TTBK1: variants seen among roughly 807,000 people sequenced by gnomAD.
TTBK1 encodes tau-tubulin kinase 1.
A neutral mutation model predicts 108.5 loss-of-function variants in TTBK1; 34 were observed. That is an observed-to-expected ratio of 0.31 (90% confidence interval 0.24 to 0.42). The LOEUF (loss-of-function observed/expected upper bound fraction) is 0.42, where lower values mean the gene tolerates loss of function less well. Ranked by LOEUF, TTBK1 falls within the 10% of genes least tolerant of loss-of-function variation. The pLI, the probability that TTBK1 is intolerant of heterozygous loss-of-function variation, is 1.00. For missense variants in TTBK1, 1,539 were observed against 1,826.0 expected, an observed-to-expected ratio of 0.84 and a Z score of 2.86; for synonymous variants, 809 against 795.1, an observed-to-expected ratio of 1.02 and a Z score of -0.29.
Position 43,259,375 on chromosome 6 carries a change from C to A in TTBK1, c.1248+106C>A. ...TCCTAAGCACCCTGTCCCCGGCCAT[C>A]TGCCTGCTTGCCCTGCCTCTGTTTC... On this transcript the variant is annotated intron_variant, in intron 11 of 14. Coordinates refer to ENST00000259750, the MANE Select transcript of TTBK1 (RefSeq NM_032538.3). This position sits in a 1 kb window ranked among gnomAD's most constrained non-coding sequence, Gnocchi z 6.7. 1 of 1,269,158 alleles carries A rather than the reference C, an allele frequency of 7.9e-7. No homozygotes were observed. The highest frequency in any genetic ancestry group is 1.1e-6 in the Non-Finnish European group (1 of 930,290). The allele number at this position is 1,269,158 out of a possible 1,614,324, so 78.6% of individuals were successfully genotyped here. A position where few individuals can be genotyped will look rare whatever the true frequency, so the allele number is the denominator to read the frequency against.
chr6:43,255,169 G>T, intron 7 of TTBK1, 55 bp downstream of exon 7: 1 of 1,290,046 alleles, frequency 7.8e-7, no homozygotes, highest in Non-Finnish European at 1.1e-6. Context: ...CAAGGTCGGG[G>T]TGCAGTGTGC....
chr6:43,255,340 C>T (rs780856669), intron 7 of TTBK1, among the ~76,000 whole-genome samples: 10 of 152,196 alleles, frequency 6.6e-5, no homozygotes, highest in Non-Finnish European at 1.0e-4. Flanking sequence ...GACCCCTGTC[C>T]GGTGAGGAAG....
At chr6:43,270,009 G>T in intron 13 of TTBK1, 1 of 1,427,970 alleles carries the variant, frequency 7.0e-7, no homozygotes, top group East Asian at 2.6e-5. Context: ...GCAGGCAGAG[G>T]ACCATGGTTC....
Position 43,277,795 on chromosome 6 carries a change from G to A in TTBK1, c.1987-4932G>A, listed in dbSNP as rs191346016. Among the ~76,000 whole-genome samples the A allele has an allele frequency of 4.5e-3, 688 of 152,334 alleles. 2 individuals carry two copies. The highest frequency in any genetic ancestry group is 6.8e-3 in the Middle Eastern group (2 of 294). On this transcript the variant is annotated intron_variant, in intron 13 of 14. Coordinates refer to ENST00000259750, the MANE Select transcript of TTBK1 (RefSeq NM_032538.3). Reference sequence around the variant, plus strand: ...GTCTGGGAGAGGCGGTGCTGAGTGCGGAGCTGACAGAGGTGATGCAGGCAC... The same window carrying A: ...GTCTGGGAGAGGCGGTGCTGAGTGCAGAGCTGACAGAGGTGATGCAGGCAC...
Position 43,253,160 on chromosome 6 carries a change from G to C in TTBK1, c.257-131G>C. ...ACATGATGAGGCTAGGGCCAGGGAGGTGGCAAGACAGGTGCTCACAGGGCC... is the reference window on the plus strand; with the variant it reads ...ACATGATGAGGCTAGGGCCAGGGAGCTGGCAAGACAGGTGCTCACAGGGCC... On this transcript the variant is annotated intron_variant, in intron 3 of 14. Transcript: ENST00000259750. The surrounding 1 kb of genome is among the most constrained non-coding windows in gnomAD (Gnocchi z 5.8). 9.5e-7 allele frequency: 1 copy of C among 1,055,298 alleles called. No homozygotes were observed. The highest frequency in any genetic ancestry group is 1.5e-6 in the Non-Finnish European group (1 of 685,992). The allele number at this position is 1,055,298 out of a possible 1,614,324, so 65.4% of individuals were successfully genotyped here.
At chr6:43,254,788 GT>G (rs11318521) in intron 6 of TTBK1, 137 bp downstream of exon 6, 176,878 of 791,664 alleles carry the variant, frequency 0.22, 21,133 homozygotes, top group East Asian at 0.34. Context: ...CCAGCTCTGG[GT>G]GTCCACACTC....
chr6:43,250,396 G>A (rs1777206166), intron 2 of TTBK1, among the ~76,000 whole-genome samples: 1 of 123,652 alleles, frequency 8.1e-6, no homozygotes, highest in Non-Finnish European at 1.6e-5. Context: ...CTCTCTTGTT[G>A]CCCAGGCTGG....
chr6:43,281,394 G>A (rs1326423798), intron 13 of TTBK1, among the ~76,000 whole-genome samples: 2 of 142,168 alleles, frequency 1.4e-5, no homozygotes, highest in African/African-American at 5.2e-5. Context: ...AAAAAAAAAA[G>A]ATCTGAACTG....
chr6:43,244,564 G>A (rs1439779393), intron 1 of TTBK1, among the ~76,000 whole-genome samples: 1 of 152,292 alleles, frequency 6.6e-6, no homozygotes, highest in African/African-American at 2.4e-5. Context: ...ATCCAACCCA[G>A]TCTCAGCTGA....
At chr6:43,264,035 G>A (rs761359045) in intron 13 of TTBK1, among the ~76,000 whole-genome samples, 6 of 152,090 alleles carry the variant, frequency 3.9e-5, no homozygotes, top group African/African-American at 1.4e-4. Context: ...AGGGCGTCTC[G>A]TGTCTCGGCT....
In TTBK1 at chr6:43,285,097, G is replaced by A. The variant is rs1043906383; in HGVS notation, c.3687G>A (p.Ala1229=). 4.7e-6 allele frequency: 7 copies of A among 1,480,346 alleles called. No homozygotes were observed. In the African/African-American group the frequency reaches 8.8e-5, roughly 19 times the overall value. 91.7% of individuals were successfully genotyped at this position (1,480,346 alleles called of 1,614,324 possible). ...CCCAAGCCGGAGCCAGGCCCCCAGC[G>A]CCGCGCAGCCCGCGCCTCCCCGCGT... ...GRAQAGARPP[A]PRSPRLPAST... Residue 1229 remains alanine, a synonymous_variant, in exon 15 of 15, where the codon GCG becomes GCA. Coordinates refer to ENST00000259750, the MANE Select transcript of TTBK1 (RefSeq NM_032538.3). This position sits in a 1 kb window ranked among gnomAD's most constrained non-coding sequence, Gnocchi z 4.7.
Position 43,284,266 on chromosome 6 carries a change from A to C in TTBK1, c.3526A>C (p.Arg1176=), listed in dbSNP as rs777061315. The change falls in exon 14 of 15, where the codon AGA becomes CGA. Residue 1176 remains arginine (R), a synonymous_variant. Transcript: ENST00000259750. The part of the protein sequence containing the change: ...MPVAAQQPAS[R]SHGAAPALDT... ...TGTTGCAGCCCAGCAGCCCGCCAGC[A>C]GATCCCATGGCGCGGCCCCAGCATT... 1 of 1,591,348 alleles carries C rather than the reference A, an allele frequency of 6.3e-7. No individual in the cohort carries two copies. The highest frequency in any genetic ancestry group is 8.5e-7 in the Non-Finnish European group (1 of 1,174,766).
At chr6:43,251,006 A>C (rs1390793743) in intron 2 of TTBK1, among the ~76,000 whole-genome samples, 1 of 152,274 alleles carries the variant, frequency 6.6e-6, no homozygotes, top group East Asian at 1.9e-4. Flanking sequence ...CATCTCTAAG[A>C]GAAAGGAATT....
intron 1 of TTBK1, among the ~76,000 whole-genome samples, chr6:43,244,075 C>G (rs13201155): frequency 6.6e-6 from 1 of 152,156 alleles, no homozygotes; most frequent in Non-Finnish European, 1.5e-5. Context: ...CACCTGCCTT[C>G]TTACCTACTT....
rs1374981777 is a variant in TTBK1 at position 43,259,174 on chromosome 6, A to G, written c.1153A>G (p.Ser385Gly). The G allele has an allele frequency of 5.6e-6, 9 of 1,611,760 alleles. No homozygotes were observed. Among genetic ancestry groups the G allele is most frequent in the Admixed American group, 1.7e-5 (1 of 59,622 alleles). The change falls in exon 11 of 15, where the codon AGT (serine) becomes GGT (glycine). Residue 385 changes from serine to glycine, a missense_variant. Physicochemically the swap from Ser to Gly is moderately conservative, Grantham distance 56. Around this residue, in one of 5 missense-constraint regions of TTBK1, gnomAD observed 277 missense variants for 332.4 expected, o/e 0.83. Coordinates refer to ENST00000259750, the MANE Select transcript of TTBK1 (RefSeq NM_032538.3). The surrounding 1 kb of genome is among the most constrained non-coding windows in gnomAD (Gnocchi z 6.7). The stretch of plus-strand genomic sequence containing the variant: ...GAGGCCCTCTGAGGGGCTGGGCCCC[A>G]GTCCCCACCTTGTCCCCCACCCCGG... Reference protein sequence around the residue: ...PGRPSEGLGPSPHLVPHPGGP... With the variant: ...PGRPSEGLGPGPHLVPHPGGP...
chr6:43,282,649 G>C lies in TTBK1; in HGVS notation c.1987-78G>C, dbSNP rs6936397. The C allele has an allele frequency of 0.3, 377,736 of 1,257,336 alleles. 61,912 individuals are homozygous for C. Among genetic ancestry groups the C allele is most frequent in the African/African-American group, 0.64 (42,201 of 66,374 alleles). The allele number at this position is 1,257,336 out of a possible 1,614,324, so 77.9% of individuals were successfully genotyped here. A position where few individuals can be genotyped will look rare whatever the true frequency, so the allele number is the denominator to read the frequency against. ...CGACCTGGGCCTGTGAGTCTCCTAG[G>C]TTGTGGGTGCAGCTGAAGTCTTCCT... is the stretch of plus-strand genomic sequence containing the variant. On this transcript the variant is annotated intron_variant, in intron 13 of 14. Coordinates refer to ENST00000259750, the MANE Select transcript of TTBK1 (RefSeq NM_032538.3). The surrounding 1 kb of genome is among the most constrained non-coding windows in gnomAD (Gnocchi z 5.4).
intron 13 of TTBK1, among the ~76,000 whole-genome samples, chr6:43,281,428 T>C (rs6909281): frequency 0.031 from 4,538 of 148,350 alleles, 147 homozygotes; most frequent in African/African-American, 0.085. Context: ...GTGGCAGCCA[T>C]AGCAGATTTG....
chr6:43,254,719 A>G (rs1777339034), intron 6 of TTBK1, 68 bp downstream of exon 6: 2 of 1,425,196 alleles, frequency 1.4e-6, no homozygotes, highest in African/African-American at 1.4e-5. Flanking sequence ...GGGACCCTTC[A>G]CCCACTTTTC....
In TTBK1 at chr6:43,257,439, G is replaced by A. The variant is rs1473888098; in HGVS notation, c.862-373G>A. Among the ~76,000 whole-genome samples the A allele has an allele frequency of 1.3e-5, 2 of 152,112 alleles. No individual in the cohort carries two copies. The highest frequency in any genetic ancestry group is 6.5e-5 in the Admixed American group (1 of 15,274). ...AGAGGAGAGGATGAGTGGGAGGGGC[G>A]CCCCAGCAGAGGGGCAGTCTGTGCA... On this transcript the variant is annotated intron_variant, in intron 9 of 14. Transcript: ENST00000259750. This position sits in a 1 kb window ranked among gnomAD's most constrained non-coding sequence, Gnocchi z 4.5.
Sources: gnomAD v4.1 joint callset for allele counts (sites outside exome capture counted in the v4.1 genomes callset) on GRCh38, gnomAD v4.1.1 for gene constraint, gnomAD v4.1.1 regional missense constraint, Gnocchi (gnomAD v3.1) non-coding constraint, MANE v1.5 for transcripts, NCBI Gene and HGNC (gene_info 2026-07-23, HGNC 2026-07-21) for gene names.